Variants in GPR158 observed in about 807,000 individuals in gnomAD.
The protein encoded by GPR158 is metabotropic glycine receptor.
In GPR158, 30 loss-of-function variants were observed where a neutral mutation model predicts 78.2. The ratio of observed to expected loss-of-function variants is 0.38; its 90% CI spans 0.29 to 0.52. The LOEUF (loss-of-function observed/expected upper bound fraction) is 0.52. GPR158 is among the 20% of genes least tolerant of loss of function. GPR158 has a pLI of 0.83. For synonymous variants in GPR158, 581 were observed against 591.1 expected (o/e 0.98, Z 0.25); for missense variants, 1,463 against 1,523.5 (o/e 0.96, Z 0.66).
At chr10:25,351,561 G>A (rs2130519718) in intron 2 of GPR158, among the ~76,000 whole-genome samples, 1 of 151,918 alleles carries the variant, frequency 6.6e-6, no homozygotes, top group Non-Finnish European at 1.5e-5. Context: ...TATAAACCAA[G>A]GGCAACAGAT....
intron 2 of GPR158, among the ~76,000 whole-genome samples, chr10:25,317,731 G>GTT (rs1554793362): frequency 1.7e-5 from 2 of 118,610 alleles, no homozygotes; most frequent in African/African-American, 7.0e-5. Flanking sequence ...TTTTTGTTTT[G>GTT]TTTTGTTTTG....
intron 2 of GPR158, among the ~76,000 whole-genome samples, chr10:25,372,720 A>T (rs1472779610): frequency 4.5e-5 from 3 of 66,082 alleles, no homozygotes; most frequent in Non-Finnish European, 5.4e-5. Context: ...GGGTGGGGGG[A>T]GGGGGGAGGG....
chr10:25,438,377 G>C (rs1012286051), intron 4 of GPR158, among the ~76,000 whole-genome samples: 3 of 152,194 alleles, frequency 2.0e-5, no homozygotes, highest in Admixed American at 2.0e-4. Flanking sequence ...ATTGGCATCG[G>C]TAGTTATGTT....
chr10:25,447,029 G>T (rs1457870135), intron 4 of GPR158, among the ~76,000 whole-genome samples: 1 of 152,060 alleles, frequency 6.6e-6, no homozygotes, highest in African/African-American at 2.4e-5. Context: ...CAAGTTAAAA[G>T]GTTATAAAAC....
intron 2 of GPR158, among the ~76,000 whole-genome samples, chr10:25,262,753 A>G (rs1393411948): frequency 5.3e-5 from 8 of 152,210 alleles, no homozygotes; most frequent in African/African-American, 4.8e-5. Flanking sequence ...GCTTACATAT[A>G]GGTTCACACT....
At chr10:25,274,162 A>C (rs1466693042) in intron 2 of GPR158, among the ~76,000 whole-genome samples, 1 of 152,096 alleles carries the variant, frequency 6.6e-6, no homozygotes, top group Admixed American at 6.6e-5. Flanking sequence ...TTTACACAAC[A>C]CCAAAGATTG....
intron 5 of GPR158, among the ~76,000 whole-genome samples, chr10:25,518,148 G>C (rs1179949406): frequency 1.1e-5 from 1 of 91,806 alleles, no homozygotes; most frequent in East Asian, 3.3e-4. Context: ...AGATATTCTA[G>C]TTTATTTGTG....
intron 2 of GPR158, among the ~76,000 whole-genome samples, chr10:25,248,965 T>C (rs928948766): frequency 1.3e-5 from 2 of 150,600 alleles, no homozygotes; most frequent in African/African-American, 5.0e-5. Context: ...TGTTCTTCCA[T>C]TTGTTTGTAT....
chr10:25,562,420 G>T (rs947543703), intron 6 of GPR158, among the ~76,000 whole-genome samples: 6 of 151,932 alleles, frequency 3.9e-5, no homozygotes, highest in Non-Finnish European at 7.4e-5. Context: ...ATAAACATTT[G>T]CAGTTATAAA....
At chr10:25,389,282 A>G (rs1192741065) in intron 2 of GPR158, among the ~76,000 whole-genome samples, 1 of 152,100 alleles carries the variant, frequency 6.6e-6, no homozygotes, top group Admixed American at 6.5e-5. Flanking sequence ...CAAGGAGATG[A>G]TGGGACAACC....
At chr10:25,464,684 C>T (rs569912068) in intron 4 of GPR158, among the ~76,000 whole-genome samples, 27 of 152,318 alleles carry the variant, frequency 1.8e-4, no homozygotes, top group African/African-American at 6.0e-4. Flanking sequence ...TCTTCTTCAT[C>T]GTACCTTGCA....
intron 2 of GPR158, among the ~76,000 whole-genome samples, chr10:25,395,416 G>T (rs1194412650): frequency 6.6e-6 from 1 of 151,558 alleles, no homozygotes; most frequent in South Asian, 2.1e-4. Flanking sequence ...GTGTTATTTT[G>T]ATTGATTCCA....
chr10:25,412,213 G>T (rs1226646021), intron 3 of GPR158, 37 bp from the exon 4 acceptor site: 1 of 1,388,090 alleles, frequency 7.2e-7, no homozygotes, highest in Non-Finnish European at 1.0e-6. Flanking sequence ...TACCTAAGAG[G>T]TGCAAATGAC....
chr10:25,195,227 A>G (rs1852828248), intron 1 of GPR158, among the ~76,000 whole-genome samples: 2 of 148,636 alleles, frequency 1.3e-5, no homozygotes, highest in Middle Eastern at 7.0e-3. Flanking sequence ...TTTTTTTGAG[A>G]CGGAATCTCA....
chr10:25,248,790 C>T (rs531925332), intron 2 of GPR158, among the ~76,000 whole-genome samples: 1,709 of 149,386 alleles, frequency 0.011, 24 homozygotes, highest in African/African-American at 0.035. Context: ...ATTGACTTGG[C>T]GATGTGGGCT....
intron 2 of GPR158, among the ~76,000 whole-genome samples, chr10:25,252,150 G>A (rs1853812509): frequency 2.0e-5 from 3 of 151,932 alleles, no homozygotes; most frequent in Admixed American, 2.0e-4. Context: ...CTCGAGCCTT[G>A]GTTTTCAGCT....
intron 2 of GPR158, among the ~76,000 whole-genome samples, chr10:25,259,985 A>G (rs569319673): frequency 2.1e-4 from 32 of 152,146 alleles, no homozygotes; most frequent in Non-Finnish European, 4.3e-4. Flanking sequence ...TTGTCTGTGT[A>G]TAATGACAGT....
intron 2 of GPR158, among the ~76,000 whole-genome samples, chr10:25,259,205 G>C (rs1853934346): frequency 6.6e-6 from 1 of 152,118 alleles, no homozygotes; most frequent in Non-Finnish European, 1.5e-5. Flanking sequence ...ACTTTACTCT[G>C]CCATTGTGGC....
chr10:25,176,346 G>C lies in GPR158; in HGVS notation c.902+24G>C. On this transcript the variant is annotated intron_variant, in intron 1 of 10. Transcript: ENST00000376351. This position sits in a 1 kb window ranked among gnomAD's most constrained non-coding sequence, Gnocchi z 6.3. ...AGGTAGGGAGGGCCGGGGGGCAGGG[G>C]GGAAGGCAAAAGCGAAGCTTTCCTT... The C allele has an allele frequency of 1.3e-6, 2 of 1,530,052 alleles. No homozygotes were observed. Among genetic ancestry groups the C allele is most frequent in the Non-Finnish European group, 1.8e-6 (2 of 1,135,966 alleles). The allele number at this position is 1,530,052 out of a possible 1,614,324, so 94.8% of individuals were successfully genotyped here.
Sources: allele counts gnomAD v4.1 joint callset (sites outside exome capture counted in the v4.1 genomes callset), GRCh38; gene constraint gnomAD v4.1.1; non-coding constraint Gnocchi (gnomAD v3.1); transcripts MANE v1.5; gene names NCBI Gene and HGNC (gene_info 2026-07-23, HGNC 2026-07-21).